LAMC3: variants seen among roughly 807,000 people sequenced by gnomAD.
The protein encoded by LAMC3 is laminin subunit gamma-3.
In LAMC3, 128 loss-of-function variants were observed where a neutral mutation model predicts 173.8. That is an observed-to-expected ratio of 0.74 (90% CI 0.64 to 0.85). The LOEUF is 0.85. Ranked by LOEUF, LAMC3 falls within the 40% of genes least tolerant of loss-of-function variation. LAMC3 has a pLI of 0.00. For synonymous variants in LAMC3, 897 were observed against 909.1 expected, an observed-to-expected ratio of 0.99 and a Z score of 0.24; for missense variants, 2,022 against 2,156.0, an observed-to-expected ratio of 0.94 and a Z score of 1.23.
At position 131,069,836 on chromosome 9, in the gene LAMC3, C is replaced by G. The variant is rs760843549; in HGVS notation, c.3055C>G (p.Leu1019Val). The change falls in exon 17 of 28, where the codon CTG becomes GTG. Residue 1019 changes from leucine (L) to valine (V), a missense_variant. Transcript: ENST00000361069. ...HCQQCPSCYA[L>V]VKEEAAKLKA... is the part of the protein sequence containing the mutation. The stretch of plus-strand genomic sequence containing the variant: ...CCAGCAATGTCCGTCCTGCTACGCC[C>G]TGGTGAAGGAGGAGGTGAGTCGGCC... The G allele has an allele frequency of 1.3e-6, 2 of 1,590,188 alleles. No homozygotes were observed. Among genetic ancestry groups the G allele is most frequent in the Admixed American group, 3.5e-5 (2 of 56,702 alleles).
In LAMC3 at chr9:131,036,262, G is replaced by A; in HGVS notation, c.906G>A (p.Glu302=). ...ACAACACCACCGGCACAGACTGTGA[G>A]CGCTGCCTGCCCTTCTTCCAGGACC... is the stretch of plus-strand genomic sequence containing the variant. ...CQHNTTGTDC[E]RCLPFFQDRP... Residue 302 remains glutamate (E), a synonymous_variant, in exon 4 of 28, where the codon GAG becomes GAA. Transcript: ENST00000361069. The A allele has an allele frequency of 1.9e-6, 3 of 1,613,304 alleles. No individual in the cohort carries two copies. The highest frequency in any genetic ancestry group is 2.5e-6 in the Non-Finnish European group (3 of 1,179,910).
intron 23 of LAMC3, among the ~76,000 whole-genome samples, chr9:131,079,822 G>C (rs1012024630): frequency 6.6e-6 from 1 of 151,936 alleles, no homozygotes; most frequent in Non-Finnish European, 1.5e-5. Flanking sequence ...ACTGACAGAG[G>C]ACAGCAGCAG....
intron 1 of LAMC3, among the ~76,000 whole-genome samples, chr9:131,011,121 G>A (rs1399092944): frequency 1.3e-5 from 2 of 152,154 alleles, no homozygotes; most frequent in East Asian, 1.9e-4. Context: ...ATATTCATTC[G>A]CTTTGCTACT....
intron 24 of LAMC3, 46 bp downstream of exon 24, chr9:131,082,207 C>G (rs777585977): frequency 1.4e-6 from 2 of 1,394,996 alleles, no homozygotes; most frequent in South Asian, 1.2e-5. Flanking sequence ...GACGAACGCC[C>G]CTGACAGCCA....
intron 24 of LAMC3, 33 bp from the exon 25 acceptor site, chr9:131,085,491 G>A (rs768390268): frequency 2.6e-5 from 42 of 1,612,504 alleles, no homozygotes; most frequent in Non-Finnish European, 3.4e-5. Flanking sequence ...TGTGAGCCCA[G>A]TTCCCCTGAC....
At chr9:131,068,767 A>G (rs1271244505) in intron 15 of LAMC3, 141 bp from the exon 16 acceptor site, 1 of 797,806 alleles carries the variant, frequency 1.3e-6, no homozygotes, top group East Asian at 2.6e-5. Context: ...CAGCTGGGGA[A>G]GCTGTGCCAT....
At chr9:131,088,793 T>A (rs1258628201) in intron 27 of LAMC3, among the ~76,000 whole-genome samples, 1 of 152,030 alleles carries the variant, frequency 6.6e-6, no homozygotes, top group Non-Finnish European at 1.5e-5. Flanking sequence ...TGAATTTGAC[T>A]ACTCTGGGCC....
rs753188212 is a variant in LAMC3, at chr9:131,075,970, G to C, written c.3629+5G>C. The C allele has an allele frequency of 6.2e-7, 1 of 1,603,346 alleles. No homozygotes were observed. Among genetic ancestry groups the C allele is most frequent in the Admixed American group, 1.7e-5 (1 of 59,296 alleles). On this transcript the variant is annotated splice_donor_5th_base_variant and intron_variant, in intron 21 of 27. Coordinates refer to ENST00000361069, the MANE Select transcript of LAMC3 (RefSeq NM_006059.4). ...CCAGCGGGACCTGGAGGACAGGTGA[G>C]GCCTCCCCAGGTGTGGGTAGAAACT...
chr9:131,068,502 C>T (rs141328951), intron 15 of LAMC3, among the ~76,000 whole-genome samples: 1 of 152,326 alleles, frequency 6.6e-6, no homozygotes, highest in Non-Finnish European at 1.5e-5. Flanking sequence ...CTCAGTGACA[C>T]TCTCCCTGGG....
At chr9:131,060,921 G>A in intron 12 of LAMC3, 114 bp from the exon 13 acceptor site, 1 of 1,062,336 alleles carries the variant, frequency 9.4e-7, no homozygotes, top group Non-Finnish European at 1.4e-6. Context: ...CTCTGCCTGG[G>A]AAAGGTCCCC....
At position 131,036,304 on chromosome 9, in the gene LAMC3, C is replaced by T. The variant is rs766661609; in HGVS notation, c.948C>T (p.Gly316=). Residue 316 remains glycine (G), a synonymous_variant, in exon 4 of 28, where the codon GGC becomes GGT. Coordinates refer to ENST00000361069, the MANE Select transcript of LAMC3 (RefSeq NM_006059.4). Reference sequence around the variant, plus strand: ...TCCAGGACCGCCCGTGGGCCCGGGGCACCGCCGAGGCTGCCCACGAGTGTC... The same window carrying T: ...TCCAGGACCGCCCGTGGGCCCGGGGTACCGCCGAGGCTGCCCACGAGTGTC... ...PFFQDRPWAR[G]TAEAAHECLP... 6.2e-7 allele frequency: 1 copy of T among 1,613,240 alleles called. No homozygotes were observed. The highest frequency in any genetic ancestry group is 8.5e-7 in the Non-Finnish European group (1 of 1,179,894).
chr9:131,081,165 G>C (rs1396806018), intron 23 of LAMC3, among the ~76,000 whole-genome samples: 1 of 152,198 alleles, frequency 6.6e-6, no homozygotes, highest in African/African-American at 2.4e-5. Context: ...TGTGCCGATG[G>C]TGTCAGGCTT....
At chr9:131,056,361 TG>T (rs1834403390) in intron 11 of LAMC3, among the ~76,000 whole-genome samples, 1 of 152,196 alleles carries the variant, frequency 6.6e-6, no homozygotes, top group Non-Finnish European at 1.5e-5. Context: ...GAGATGTGAA[TG>T]GTATCATCGT....
chr9:131,028,963 T>C (rs1485036772), intron 2 of LAMC3, among the ~76,000 whole-genome samples: 1 of 152,228 alleles, frequency 6.6e-6, no homozygotes, highest in Admixed American at 6.5e-5. Context: ...ACACCTGGCC[T>C]GAAGTCCAGG....
Position 131,019,174 on chromosome 9 carries a change from A to G in LAMC3, c.374-7111A>G, listed in dbSNP as rs1456948289. On this transcript the variant is annotated intron_variant, in intron 1 of 27. Transcript: ENST00000361069. Reference sequence around the variant, plus strand: ...CTACTCAGGAGGCTGAGGCAGGAGAATGGCTTGAATCCAGGGGACGGAGGT... The same window carrying G: ...CTACTCAGGAGGCTGAGGCAGGAGAGTGGCTTGAATCCAGGGGACGGAGGT... Among the ~76,000 whole-genome samples the G allele has an allele frequency of 3.3e-5, 5 of 152,342 alleles. No individual in the cohort carries two copies. The East Asian group carries it at 7.7e-4, about 23-fold the overall frequency.
intron 1 of LAMC3, among the ~76,000 whole-genome samples, chr9:131,011,677 G>GA (rs1833417244): frequency 1.3e-5 from 2 of 150,100 alleles, no homozygotes; most frequent in Non-Finnish European, 3.0e-5. Flanking sequence ...GGGGAGGGGG[G>GA]AGGCTGGGGG....
Position 131,041,685 on chromosome 9 carries a change from C to T in LAMC3, c.1332C>T (p.Arg444=), listed in dbSNP as rs757908603. Residue 444 remains arginine (R), a synonymous_variant, in exon 7 of 28, where the codon CGC becomes CGT. Coordinates refer to ENST00000361069, the MANE Select transcript of LAMC3 (RefSeq NM_006059.4). The part of the protein sequence containing the change: ...PAGSLDTCDP[R]SGRCPCKENV... ...GCAGCCTGGACACCTGTGACCCCCG[C>T]AGTGGGCGCTGCCCCTGCAAAGAGA... The T allele has an allele frequency of 1.9e-6, 3 of 1,614,152 alleles. No homozygotes were observed. Among genetic ancestry groups the T allele is most frequent in the South Asian group, 1.1e-5 (1 of 91,076 alleles).
At chr9:131,032,957 G>A (rs1033383620) in intron 3 of LAMC3, among the ~76,000 whole-genome samples, 5 of 152,282 alleles carry the variant, frequency 3.3e-5, no homozygotes, top group South Asian at 4.1e-4. Context: ...CATGAGCCAC[G>A]GCCCCCTTCC....
Position 131,091,611 on chromosome 9 carries a change from C to A in LAMC3, c.4552C>A (p.Gln1518Lys). The change falls in exon 28 of 28, where the codon CAG becomes AAG. Residue 1518 changes from glutamine (Q) to lysine (K), a missense_variant. Physicochemically the swap from Gln to Lys is moderately conservative, Grantham distance 53. Coordinates refer to ENST00000361069, the MANE Select transcript of LAMC3 (RefSeq NM_006059.4). ...TQWALERLRLQLGSPGSLQRK... is the reference protein window; with the variant it reads ...TQWALERLRLKLGSPGSLQRK... ...GTGGGCACTAGAACGCCTGAGGCTG[C>A]AGCTGGGCTCCCCGGGGTCCTTGCA... The A allele has an allele frequency of 6.3e-7, 1 of 1,594,652 alleles. No individual in the cohort carries two copies. The highest frequency in any genetic ancestry group is 1.8e-5 in the Admixed American group (1 of 56,530).
Sources: gnomAD v4.1 joint callset for allele counts (sites outside exome capture counted in the v4.1 genomes callset) on GRCh38, gnomAD v4.1.1 for gene constraint, MANE v1.5 for transcripts, NCBI Gene and HGNC (gene_info 2026-07-23, HGNC 2026-07-21) for gene names.